The following MFSD1 variants were observed in gnomAD, a reference collection of about 807,000 sequenced individuals.
MFSD1 encodes the protein major facilitator superfamily domain containing 1, also known as lysosomal dipeptide transporter MFSD1.
A neutral mutation model predicts 67.1 loss-of-function variants in MFSD1; 59 were observed. The observed-to-expected ratio is 0.88, with a 90% CI of 0.71 to 1.09. The LOEUF is 1.09. MFSD1 is among the 50% of genes least tolerant of loss of function. The probability of loss-of-function intolerance (pLI) is 0.00; values close to 1 mark genes in which losing one functional copy is unlikely to be tolerated. For synonymous variants in MFSD1, 213 were observed against 200.3 expected (o/e 1.06, Z -0.54); for missense variants, 552 against 566.1 (o/e 0.97, Z 0.25).
At position 158,813,646 on chromosome 3, in the gene MFSD1, A is replaced by G. The variant is rs182710257; in HGVS notation, c.550-319A>G. 4.4e-3 allele frequency among the ~76,000 whole-genome samples: 674 copies of G among 152,044 alleles called. 2 individuals carry two copies. Among genetic ancestry groups the G allele is most frequent in the Non-Finnish European group, 7.6e-3 (518 of 67,984 alleles). ...AAGTTGTGCTTTTTCTGTTACTGGTATATTTTTGTCTTAGATACTCTAGAT... is the reference window on the plus strand; with the variant it reads ...AAGTTGTGCTTTTTCTGTTACTGGTGTATTTTTGTCTTAGATACTCTAGAT... On this transcript the variant is annotated intron_variant, in intron 6 of 15. Transcript: ENST00000415822.
chr3:158,819,765 A>G lies in MFSD1; in HGVS notation c.751+18A>G. ...AAAAACAGGTAAGTCTAAATGAAAG[A>G]ATGGGACTTAGGGGAATTACGGCCT... On this transcript the variant is annotated intron_variant, in intron 8 of 15. Transcript: ENST00000415822. The G allele has an allele frequency of 2.8e-6, 4 of 1,431,472 alleles. No homozygotes were observed. The highest frequency in any genetic ancestry group is 1.2e-5 in the South Asian group (1 of 85,056). The allele number at this position is 1,431,472 out of a possible 1,614,324, so 88.7% of individuals were successfully genotyped here. A position where few individuals can be genotyped will look rare whatever the true frequency, so the allele number is the denominator to read the frequency against.
intron 6 of MFSD1, among the ~76,000 whole-genome samples, chr3:158,812,029 T>C (rs1180337871): frequency 1.3e-5 from 2 of 152,232 alleles, no homozygotes; most frequent in Non-Finnish European, 2.9e-5. Context: ...AATAAATGTT[T>C]GTTGAAATAA....
chr3:158,807,478 A>G lies in MFSD1; in HGVS notation c.440+15A>G. 1 of 1,571,382 alleles carries G rather than the reference A, an allele frequency of 6.4e-7. No homozygotes were observed. Among genetic ancestry groups the G allele is most frequent in the South Asian group, 1.1e-5 (1 of 89,826 alleles). On this transcript the variant is annotated intron_variant, in intron 5 of 15. Transcript: ENST00000415822. ...TTTGTATTTGGGTAAGTTATGCATA[A>G]TTTAATTTATCCTAATGTATTATTG...
chr3:158,809,737 A>G (rs1460417377), intron 6 of MFSD1, among the ~76,000 whole-genome samples: 2 of 152,172 alleles, frequency 1.3e-5, no homozygotes, highest in East Asian at 3.9e-4. Flanking sequence ...AGTAGCTTTT[A>G]CTGATGGCTC....
rs145878252 is a variant in MFSD1 at position 158,805,382 on chromosome 3, G to A, written c.237G>A (p.Thr79=). Residue 79 remains threonine (T), a synonymous_variant, in exon 3 of 16, where the codon ACG becomes ACA. Coordinates refer to ENST00000415822, the MANE Select transcript of MFSD1 (RefSeq NM_022736.4). ...QVKRDMQVNT[T]KFMLLYAWYS... is the part of the protein sequence containing the mutation. ...TATAGGATATGCAAGTGAATACCAC[G>A]AAATTCATGCTGCTGTATGCCTGGT... 1,427 of 1,613,970 alleles carry A rather than the reference G, an allele frequency of 8.8e-4. 4 individuals carry two copies. Among genetic ancestry groups the A allele is most frequent in the Middle Eastern group, 2.1e-3 (13 of 6,060 alleles).
chr3:158,817,781 C>T (rs375434415), intron 7 of MFSD1, among the ~76,000 whole-genome samples: 74 of 152,206 alleles, frequency 4.9e-4, no homozygotes, highest in Non-Finnish European at 8.5e-4. Context: ...AAAAAGAGCC[C>T]GCATCGCCAA....
At chr3:158,807,301 A>G (rs1729777398) in intron 4 of MFSD1, 95 bp from the exon 5 acceptor site, 5 of 1,056,322 alleles carry the variant, frequency 4.7e-6, no homozygotes, top group Non-Finnish European at 7.2e-6. Flanking sequence ...TATTAAAACT[A>G]TTGTAGAAGT....
At position 158,802,369 on chromosome 3, in the gene MFSD1, T is replaced by A. The variant is rs546775774; in HGVS notation, c.163+54T>A. ...TCTTTAAGGAATTCCCGACTTTCTC[T>A]TCGAGGTAGATCGTCATCGTGGTCA... On this transcript the variant is annotated intron_variant, in intron 1 of 15. Coordinates refer to ENST00000415822, the MANE Select transcript of MFSD1 (RefSeq NM_022736.4). The A allele has an allele frequency of 8.1e-4, 1,304 of 1,601,674 alleles. 4 individuals are homozygous for A. Among genetic ancestry groups the A allele is most frequent in the Non-Finnish European group, 5.5e-4 (641 of 1,169,740 alleles).
At chr3:158,813,941 G>GTTTTT in intron 6 of MFSD1, 24 bp from the exon 7 acceptor site, 2 of 1,474,754 alleles carry the variant, frequency 1.4e-6, no homozygotes, top group Non-Finnish European at 1.9e-6. Flanking sequence ...AAATGCTGTT[G>GTTTTT]TTTTTTTTTC....
Position 158,807,042 on chromosome 3 carries a change from G to A in MFSD1, c.332G>A (p.Trp111Ter), listed in dbSNP as rs562338310. 1.2e-6 allele frequency: 2 copies of A among 1,607,794 alleles called. No homozygotes were observed. The highest frequency in any genetic ancestry group is 4.5e-5 in the East Asian group (2 of 44,548). ...CTCATTCTTTCTTTCCCAAACAGAT[G>A]GGGCACAATCATTTTTAGCTGCTTT... is the stretch of plus-strand genomic sequence containing the variant. The part of the protein sequence containing the change: ...FLIDRVFGIR[W>*]GTIIFSCFVC... The change falls in exon 4 of 16, where the codon TGG (tryptophan) becomes TAG (stop). Residue 111 changes from tryptophan to a stop codon, truncating the protein, a stop_gained and splice_region_variant. Transcript: ENST00000415822. LOFTEE classifies it high-confidence loss of function.
At chr3:158,828,437 A>AGTAT (rs1254935309) in intron 15 of MFSD1, among the ~76,000 whole-genome samples, 5 of 152,118 alleles carry the variant, frequency 3.3e-5, no homozygotes, top group Non-Finnish European at 7.4e-5. Flanking sequence ...AATAATCAGA[A>AGTAT]GTATGAGTTT....
intron 13 of MFSD1, 57 bp from the exon 14 acceptor site, chr3:158,825,958 T>C: frequency 1.5e-6 from 2 of 1,326,918 alleles, no homozygotes; most frequent in Non-Finnish European, 2.2e-6. Context: ...TATGATTACA[T>C]AGGAATCATT....
intron 7 of MFSD1, among the ~76,000 whole-genome samples, chr3:158,815,874 A>G (rs1045128018): frequency 1.9e-4 from 29 of 151,330 alleles, no homozygotes; most frequent in African/African-American, 6.6e-4. Flanking sequence ...TCATTGTTCA[A>G]TTCCCATCTA....
intron 7 of MFSD1, among the ~76,000 whole-genome samples, chr3:158,816,156 TG>T (rs1730329541): frequency 6.6e-6 from 1 of 152,090 alleles, no homozygotes; most frequent in Non-Finnish European, 1.5e-5. Flanking sequence ...TATAGTCCTT[TG>T]GGTATATACC....
chr3:158,829,036 A>G lies in MFSD1; in HGVS notation c.*54A>G, dbSNP rs1360501145. 2 of 1,545,550 alleles carry G rather than the reference A, an allele frequency of 1.3e-6. No homozygotes were observed. The highest frequency in any genetic ancestry group is 1.7e-6 in the Non-Finnish European group (2 of 1,145,708). On this transcript the variant is annotated 3_prime_UTR_variant, in exon 16 of 16. Coordinates refer to ENST00000415822, the MANE Select transcript of MFSD1 (RefSeq NM_022736.4). ...GGGCTTAACACATCGTTGGTTTGAA[A>G]ACTTCCATTTTTAAAAATTTAGAGT...
chr3:158,805,092 C>T (rs1023769273), intron 2 of MFSD1, among the ~76,000 whole-genome samples: 4 of 152,144 alleles, frequency 2.6e-5, no homozygotes, highest in African/African-American at 9.7e-5. Context: ...AGCAGGGTGT[C>T]TGATCCTGGA....
intron 15 of MFSD1, 73 bp downstream of exon 15, chr3:158,827,410 G>T: frequency 2.3e-6 from 2 of 856,184 alleles, no homozygotes; most frequent in Non-Finnish European, 3.5e-6. Flanking sequence ...TTCAAGGTTT[G>T]GGCTTTGAAG....
intron 2 of MFSD1, among the ~76,000 whole-genome samples, chr3:158,804,813 G>A (rs1019472227): frequency 6.6e-6 from 1 of 152,144 alleles, no homozygotes; most frequent in African/African-American, 2.4e-5. Flanking sequence ...GTCTGGTTTT[G>A]TATTGTAAGA....
rs551928627 is a variant in MFSD1 at position 158,810,460 on chromosome 3, A to T, written c.549+1173A>T. Among the ~76,000 whole-genome samples, 7 of 152,290 alleles carry T rather than the reference A, an allele frequency of 4.6e-5. No homozygotes were observed. In the South Asian group the frequency reaches 1.2e-3, roughly 27 times the overall value. ...AGAATAAGAAACTCAATATAAAAAT[A>T]TTTTCATATAATACTTCATCATATG... On this transcript the variant is annotated intron_variant, in intron 6 of 15. Transcript: ENST00000415822.
Sources: gnomAD v4.1 joint callset for allele counts (sites outside exome capture counted in the v4.1 genomes callset) on GRCh38, gnomAD v4.1.1 for gene constraint, MANE v1.5 for transcripts, NCBI Gene and HGNC (gene_info 2026-07-23, HGNC 2026-07-21) for gene names.